Variants in KCNJ16 observed in about 807,000 individuals in gnomAD.
KCNJ16 encodes the protein potassium inwardly rectifying channel subfamily J member 16, also known as inward rectifier potassium channel 16.
Under a neutral mutation model 18.5 loss-of-function variants are expected in KCNJ16, and 15 were observed. The observed-to-expected ratio is 0.81, with a 90% CI of 0.54 to 1.25. The LOEUF is 1.25. KCNJ16 is among the 50% of genes most tolerant of loss of function. KCNJ16 has a pLI of 0.00. For synonymous variants in KCNJ16, 174 were observed against 186.5 expected (o/e 0.93, Z 0.55); for missense variants, 523 against 525.7 (o/e 0.99, Z 0.05).
chr17:70,132,230 A>G lies in KCNJ16; in HGVS notation c.143A>G (p.Lys48Arg), dbSNP rs1458295021. Residue 48 changes from lysine to arginine, a missense_variant, in exon 4 of 4, where the codon AAG becomes AGG. Lys to Arg is a conservative substitution (Grantham distance 26). Coordinates refer to ENST00000392671, the MANE Select transcript of KCNJ16 (RefSeq NM_170741.4). ...HKDGSCNVYF[K>R]HIFGEWGSYV... ...GATGGCAGCTGTAATGTCTACTTCA[A>G]GCACATTTTTGGAGAATGGGGAAGC... The G allele has an allele frequency of 6.2e-7, 1 of 1,614,254 alleles. No individual in the cohort carries two copies.
At chr17:70,085,539 TA>T (rs1415318443) in intron 1 of KCNJ16, among the ~76,000 whole-genome samples, 2 of 152,228 alleles carry the variant, frequency 1.3e-5, no homozygotes, top group African/African-American at 4.8e-5. Context: ...CTGGAGATGC[TA>T]AGTTATATTA....
In KCNJ16 at chr17:70,135,210, G is replaced by C. The variant is rs577726992; in HGVS notation, c.*1866G>C. On this transcript the variant is annotated 3_prime_UTR_variant, in exon 4 of 4. Coordinates refer to ENST00000392671, the MANE Select transcript of KCNJ16 (RefSeq NM_170741.4). ...GCACACTCCATTTAAAAAATTGTGC[G>C]CTCTGTAGATTTGGATTTTACAGCA... 6.0e-6 allele frequency: 1 copy of C among 166,722 alleles called. No individual in the cohort carries two copies. The highest frequency in any genetic ancestry group is 2.4e-5 in the African/African-American group (1 of 41,392). 10.3% of individuals were successfully genotyped at this position (166,722 alleles called of 1,614,324 possible). A position where few individuals can be genotyped will look rare whatever the true frequency, so the allele number is the denominator to read the frequency against.
chr17:70,083,118 G>A (rs923151482), intron 1 of KCNJ16, among the ~76,000 whole-genome samples: 7 of 150,996 alleles, frequency 4.6e-5, no homozygotes, highest in Non-Finnish European at 7.4e-5. Flanking sequence ...GCAGTGGCAC[G>A]ATCTCAGCTC....
At chr17:70,097,370 C>T (rs1027747164) in intron 1 of KCNJ16, among the ~76,000 whole-genome samples, 1 of 152,010 alleles carries the variant, frequency 6.6e-6, no homozygotes, top group African/African-American at 2.4e-5. Context: ...TAACTAGGAA[C>T]CAAGAATGGA....
At chr17:70,122,465 C>T (rs1416397840) in intron 2 of KCNJ16, among the ~76,000 whole-genome samples, 2 of 152,184 alleles carry the variant, frequency 1.3e-5, no homozygotes, top group Non-Finnish European at 2.9e-5. Context: ...GCGTGAGTCA[C>T]CACGCCTGGC....
chr17:70,124,028 G>C (rs2073755143), intron 2 of KCNJ16, among the ~76,000 whole-genome samples: 1 of 151,516 alleles, frequency 6.6e-6, no homozygotes. Context: ...AAAGAGGGAG[G>C]CTGCAGCCAA....
At chr17:70,091,719 T>C (rs1018131864) in intron 1 of KCNJ16, among the ~76,000 whole-genome samples, 2 of 152,196 alleles carry the variant, frequency 1.3e-5, no homozygotes, top group African/African-American at 4.8e-5. Flanking sequence ...TGCTATTACC[T>C]AGGTAGGGCT....
chr17:70,123,629 A>G (rs916693222), intron 2 of KCNJ16, among the ~76,000 whole-genome samples: 2 of 152,186 alleles, frequency 1.3e-5, no homozygotes, highest in Non-Finnish European at 2.9e-5. Context: ...ACATTTTGAG[A>G]CAAATTGACT....
rs767607802 is a variant in KCNJ16 at position 70,131,024 on chromosome 17, G to A, written c.-94+49G>A. On this transcript the variant is annotated intron_variant, in intron 3 of 3. Coordinates refer to ENST00000392671, the MANE Select transcript of KCNJ16 (RefSeq NM_170741.4). ...GATGTTTTCAAGACTGAATTTGGAGGGAGAAAAATTATTTTGCCTAAGGAT... is the reference window on the plus strand; with the variant it reads ...GATGTTTTCAAGACTGAATTTGGAGAGAGAAAAATTATTTTGCCTAAGGAT... The A allele has an allele frequency of 4.6e-6, 7 of 1,512,982 alleles. No homozygotes were observed. In the African/African-American group the frequency reaches 6.9e-5, roughly 15 times the overall value. The allele number at this position is 1,512,982 out of a possible 1,614,324, so 93.7% of individuals were successfully genotyped here. A position where few individuals can be genotyped will look rare whatever the true frequency, so the allele number is the denominator to read the frequency against.
intron 1 of KCNJ16, among the ~76,000 whole-genome samples, chr17:70,081,905 G>A (rs1233877634): frequency 1.3e-5 from 2 of 152,064 alleles, no homozygotes; most frequent in African/African-American, 4.8e-5. Flanking sequence ...ATACAACATT[G>A]TGGACCTGGT....
intron 2 of KCNJ16, among the ~76,000 whole-genome samples, chr17:70,124,969 AAAAG>A (rs1191240587): frequency 6.6e-6 from 1 of 152,008 alleles, no homozygotes; most frequent in East Asian, 1.9e-4. Context: ...GATGGTTGTA[AAAAG>A]AAAGGAAAGT....
At chr17:70,096,995 A>T in intron 1 of KCNJ16, 1 of 397,136 alleles carries the variant, frequency 2.5e-6, no homozygotes, top group Non-Finnish European at 4.4e-6. Flanking sequence ...TCTCTTTTGA[A>T]CCCTATTACA....
intron 2 of KCNJ16, among the ~76,000 whole-genome samples, chr17:70,120,737 G>T (rs948422008): frequency 6.6e-6 from 1 of 152,156 alleles, no homozygotes; most frequent in African/African-American, 2.4e-5. Context: ...AGCCATGAGA[G>T]ATCTGTCTGC....
chr17:70,123,312 G>T (rs1427954471), intron 2 of KCNJ16, among the ~76,000 whole-genome samples: 1 of 152,150 alleles, frequency 6.6e-6, no homozygotes, highest in Non-Finnish European at 1.5e-5. Context: ...TAAGAAGATA[G>T]AATCTGATTT....
chr17:70,112,446 T>C (rs1371562201), intron 2 of KCNJ16, among the ~76,000 whole-genome samples: 7 of 151,924 alleles, frequency 4.6e-5, no homozygotes, highest in Admixed American at 1.3e-4. Flanking sequence ...GCCAATGATG[T>C]TTATAATTCT....
At chr17:70,108,058 T>A (rs1222145020) in intron 2 of KCNJ16, among the ~76,000 whole-genome samples, 1 of 152,164 alleles carries the variant, frequency 6.6e-6, no homozygotes, top group African/African-American at 2.4e-5. Context: ...CATAAGCAGA[T>A]TCTAGCCCCG....
intron 2 of KCNJ16, among the ~76,000 whole-genome samples, chr17:70,125,609 A>G (rs544671057): frequency 6.6e-6 from 1 of 152,280 alleles, no homozygotes; most frequent in African/African-American, 2.4e-5. Context: ...CAGTCCACAG[A>G]GTAAAGTGAA....
At chr17:70,131,902 T>C in intron 3 of KCNJ16, 93 bp from the exon 4 acceptor site, 4 of 1,063,406 alleles carry the variant, frequency 3.8e-6, no homozygotes, top group Admixed American at 2.7e-5. Context: ...GTAGCTATTT[T>C]AGATGGTATG....
chr17:70,101,027 T>A (rs997265029), intron 2 of KCNJ16: 7 of 152,228 alleles, frequency 4.6e-5, no homozygotes, highest in Non-Finnish European at 7.3e-5. Flanking sequence ...TATTTATATA[T>A]TTTGTGAATC....
Sources: gnomAD v4.1 joint callset for allele counts (sites outside exome capture counted in the v4.1 genomes callset) on GRCh38, gnomAD v4.1.1 for gene constraint, MANE v1.5 for transcripts, NCBI Gene and HGNC (gene_info 2026-07-23, HGNC 2026-07-21) for gene names.